RBFOX1: variants seen among roughly 807,000 people sequenced by gnomAD.
The protein encoded by RBFOX1 is RNA binding protein fox-1 homolog 1.
A neutral mutation model predicts 57.7 loss-of-function variants in RBFOX1; 8 were observed. That is an observed-to-expected ratio of 0.14 (90% confidence interval 0.08 to 0.25). The LOEUF is 0.25. Ranked by LOEUF, RBFOX1 falls within the 10% of genes least tolerant of loss-of-function variation. The pLI is 1.00. For synonymous variants in RBFOX1, 326 were observed against 222.4 expected, an observed-to-expected ratio of 1.47 and a Z score of -4.15; for missense variants, 611 against 548.5, an observed-to-expected ratio of 1.11 and a Z score of -1.14.
At chr16:7,301,739 G>T (rs996711830) in intron 4 of RBFOX1, among the ~76,000 whole-genome samples, 2 of 151,992 alleles carry the variant, frequency 1.3e-5, no homozygotes, top group Admixed American at 6.5e-5. Context: ...TCTAATGCCA[G>T]CAAGAGAAAA....
chr16:7,141,923 C>G (rs1043326563), intron 4 of RBFOX1, among the ~76,000 whole-genome samples: 2 of 152,138 alleles, frequency 1.3e-5, no homozygotes, highest in African/African-American at 4.8e-5. Context: ...ATGTCAGTCC[C>G]CTTCCCCCTT....
At chr16:7,024,278 A>G (rs1039127149) in intron 3 of RBFOX1, among the ~76,000 whole-genome samples, 6 of 152,190 alleles carry the variant, frequency 3.9e-5, no homozygotes, top group Non-Finnish European at 8.8e-5. Context: ...TGGCTTTGAC[A>G]AAGACTACCA....
At chr16:6,835,990 C>G (rs1052124645) in intron 3 of RBFOX1, among the ~76,000 whole-genome samples, 2 of 152,086 alleles carry the variant, frequency 1.3e-5, no homozygotes, top group African/African-American at 2.4e-5. Flanking sequence ...CTGGTCACAT[C>G]TAACTGCAGA....
intron 4 of RBFOX1, among the ~76,000 whole-genome samples, chr16:7,334,481 C>T (rs2096750007): frequency 6.6e-6 from 1 of 152,080 alleles, no homozygotes; most frequent in African/African-American, 2.4e-5. Flanking sequence ...CCTCTGCCGA[C>T]CCATCTGATA....
chr16:7,550,191 G>A (rs549750658), intron 5 of RBFOX1, among the ~76,000 whole-genome samples: 8 of 151,886 alleles, frequency 5.3e-5, no homozygotes, highest in South Asian at 4.2e-4. Flanking sequence ...TCGGCCTCCC[G>A]AAGCACTGGA....
intron 4 of RBFOX1, among the ~76,000 whole-genome samples, chr16:6,005,058 G>A (rs781210979): frequency 2.0e-4 from 30 of 152,322 alleles, no homozygotes; most frequent in Admixed American, 1.4e-3. Context: ...TTTAATGGGA[G>A]TGTAAATATT....
chr16:5,670,997 C>T (rs1029005757), intron 3 of RBFOX1, among the ~76,000 whole-genome samples: 4 of 152,170 alleles, frequency 2.6e-5, no homozygotes, highest in Non-Finnish European at 4.4e-5. Context: ...AGACTCAGAG[C>T]CCCCCTCACT....
chr16:7,318,886 C>G (rs768824393), intron 4 of RBFOX1, among the ~76,000 whole-genome samples: 3 of 152,136 alleles, frequency 2.0e-5, no homozygotes, highest in African/African-American at 4.8e-5. Context: ...ATAAAAATAA[C>G]AACGAAGGCT....
At chr16:6,691,511 C>T (rs1568233452) in intron 3 of RBFOX1, among the ~76,000 whole-genome samples, 1 of 151,916 alleles carries the variant, frequency 6.6e-6, no homozygotes, top group South Asian at 2.1e-4. Flanking sequence ...TAAAATCATT[C>T]TGAGTAAATG....
intron 3 of RBFOX1, among the ~76,000 whole-genome samples, chr16:6,750,323 TCATAGAGAGGAGC>T (rs1373422375): frequency 6.6e-6 from 1 of 152,186 alleles, no homozygotes; most frequent in Non-Finnish European, 1.5e-5. Flanking sequence ...TAATAATGGG[TCATAGAGAGGAGC>T]TTGGTGATAG....
chr16:6,795,229 A>G (rs1042442930), intron 3 of RBFOX1, among the ~76,000 whole-genome samples: 1 of 152,130 alleles, frequency 6.6e-6, no homozygotes, highest in Non-Finnish European at 1.5e-5. Context: ...ACTTGTGTCC[A>G]CAAACCACCT....
chr16:6,637,176 T>TTATATATTAAA (rs2098445409), intron 2 of RBFOX1, among the ~76,000 whole-genome samples: 4 of 68,420 alleles, frequency 5.8e-5, no homozygotes, highest in African/African-American at 7.9e-5. Flanking sequence ...ATTATATATA[T>TTATATATTAAA]TATATAATAT....
At chr16:6,696,086 T>C (rs1246466868) in intron 3 of RBFOX1, among the ~76,000 whole-genome samples, 1 of 152,202 alleles carries the variant, frequency 6.6e-6, no homozygotes, top group African/African-American at 2.4e-5. Flanking sequence ...GAAAATTGAA[T>C]TAAATTACAG....
chr16:7,356,282 G>A (rs2097213299), intron 4 of RBFOX1, among the ~76,000 whole-genome samples: 2 of 152,136 alleles, frequency 1.3e-5, no homozygotes, highest in Non-Finnish European at 2.9e-5. Context: ...GGCCCACACA[G>A]GCATCATCGT....
rs371876871 is a variant in RBFOX1 at position 7,436,329 on chromosome 16, C to G, written c.28-81818C>G. Among the ~76,000 whole-genome samples the G allele has an allele frequency of 3.3e-5, 5 of 152,154 alleles. No individual in the cohort carries two copies. In the East Asian group the frequency reaches 5.8e-4, roughly 18 times the overall value. On this transcript the variant is annotated intron_variant, in intron 4 of 15. Coordinates refer to ENST00000550418, the MANE Select transcript of RBFOX1 (RefSeq NM_018723.4). ...TCCTCTTTCATTGTATGCCAAATTA[C>G]TGTGGTAGGCAAACTTGGACAAACG...
At chr16:6,548,628 T>A (rs1350536955) in intron 2 of RBFOX1, among the ~76,000 whole-genome samples, 1 of 152,056 alleles carries the variant, frequency 6.6e-6, no homozygotes, top group Non-Finnish European at 1.5e-5. Context: ...GAAAAAAGAA[T>A]TAAATTATAG....
chr16:7,608,463 T>G (rs574795473), intron 10 of RBFOX1, among the ~76,000 whole-genome samples: 1 of 152,350 alleles, frequency 6.6e-6, no homozygotes, highest in Admixed American at 6.5e-5. Context: ...ACCGGGAGCC[T>G]GGGTTAAGTC....
chr16:7,408,493 C>A (rs1014560075), intron 4 of RBFOX1, among the ~76,000 whole-genome samples: 1 of 152,160 alleles, frequency 6.6e-6, no homozygotes, highest in African/African-American at 2.4e-5. Flanking sequence ...GTTTGATCTG[C>A]TGAGAAGTAG....
At chr16:7,153,775 T>C (rs1348958536) in intron 4 of RBFOX1, among the ~76,000 whole-genome samples, 1 of 151,838 alleles carries the variant, frequency 6.6e-6, no homozygotes, top group Non-Finnish European at 1.5e-5. Context: ...ACATGTGTTT[T>C]ATTGTTCTGC....
Sources: gnomAD v4.1 joint callset for allele counts (sites outside exome capture counted in the v4.1 genomes callset) on GRCh38, gnomAD v4.1.1 for gene constraint, MANE v1.5 for transcripts, NCBI Gene and HGNC (gene_info 2026-07-23, HGNC 2026-07-21) for gene names.